Variants in ALPK3 observed in about 807,000 individuals in gnomAD.
ALPK3 encodes alpha kinase 3.
A neutral mutation model predicts 140.0 loss-of-function variants in ALPK3; 102 were observed. That is an observed-to-expected ratio of 0.73 (90% confidence interval 0.62 to 0.86). ALPK3 has a LOEUF of 0.86. Ranked by LOEUF, ALPK3 falls within the 40% of genes least tolerant of loss-of-function variation. The pLI, the probability that ALPK3 is intolerant of heterozygous loss-of-function variation, is 0.00. For synonymous variants in ALPK3, 938 were observed against 898.5 expected, an observed-to-expected ratio of 1.04 and a Z score of -0.79; for missense variants, 2,254 against 2,208.2, an observed-to-expected ratio of 1.02 and a Z score of -0.42.
At position 84,840,155 on chromosome 15, in the gene ALPK3, G is replaced by T. The variant is rs1963643413; in HGVS notation, c.876G>T (p.Leu292Phe). The T allele has an allele frequency of 1.9e-6, 3 of 1,613,950 alleles. No individual in the cohort carries two copies. Among genetic ancestry groups the T allele is most frequent in the African/African-American group, 2.7e-5 (2 of 75,020 alleles). ...PENGEDGEHGLLTYICDAMEL... is the reference protein window; with the variant it reads ...PENGEDGEHGFLTYICDAMEL... Reference sequence around the variant, plus strand: ...ATGGAGAGGACGGAGAGCATGGCTTGCTGACATACATCTGTGACGCCATGG... The same window carrying T: ...ATGGAGAGGACGGAGAGCATGGCTTTCTGACATACATCTGTGACGCCATGG... Residue 292 changes from leucine to phenylalanine, a missense_variant, in exon 5 of 14, where the codon TTG becomes TTT. By Grantham distance (22) the Leu-to-Phe change is conservative. Around this residue, in one of 3 missense-constraint regions of ALPK3, gnomAD observed 2,088 missense variants for 2,022.9 expected, o/e 1.03. Transcript: ENST00000258888.
chr15:84,818,757 T>C (rs1963390232), intron 1 of ALPK3, among the ~76,000 whole-genome samples: 2 of 152,200 alleles, frequency 1.3e-5, no homozygotes, highest in Admixed American at 1.3e-4. Context: ...GTGTCACATG[T>C]CTGGGGCAGG....
chr15:84,851,539 C>T lies in ALPK3; in HGVS notation c.1654-4853C>T, dbSNP rs576680762. Among the ~76,000 whole-genome samples, 26 of 152,356 alleles carry T rather than the reference C, an allele frequency of 1.7e-4. No homozygotes were observed. In the South Asian group the frequency reaches 5.0e-3, roughly 29 times the overall value. The stretch of plus-strand genomic sequence containing the variant: ...AAGTCTCCCCACTTCCCTATCCCCA[C>T]TGCTCAGGTCCTCTCCCTGAAGGCA... On this transcript the variant is annotated intron_variant, in intron 5 of 13. Coordinates refer to ENST00000258888, the MANE Select transcript of ALPK3 (RefSeq NM_020778.5).
At chr15:84,824,122 A>G (rs538738704) in intron 2 of ALPK3, among the ~76,000 whole-genome samples, 3 of 152,166 alleles carry the variant, frequency 2.0e-5, no homozygotes, top group Admixed American at 6.5e-5. Flanking sequence ...GCAGTCATTT[A>G]AGTTCTCCTT....
At position 84,864,319 on chromosome 15, in the gene ALPK3, C is replaced by G; in HGVS notation, c.4500-123C>G. The G allele has an allele frequency of 6.8e-6, 7 of 1,022,108 alleles. No individual in the cohort carries two copies. In the South Asian group the frequency reaches 9.6e-5, roughly 14 times the overall value. The allele number at this position is 1,022,108 out of a possible 1,614,324, so 63.3% of individuals were successfully genotyped here. ...GCTTTCCTTTGCTGTCCTTTGGGCTCGGAGCTGAGAATTACATTCTTGGAA... is the reference window on the plus strand; with the variant it reads ...GCTTTCCTTTGCTGTCCTTTGGGCTGGGAGCTGAGAATTACATTCTTGGAA... On this transcript the variant is annotated intron_variant, in intron 11 of 13. Coordinates refer to ENST00000258888, the MANE Select transcript of ALPK3 (RefSeq NM_020778.5).
At chr15:84,865,199 G>A (rs958785980) in intron 12 of ALPK3, among the ~76,000 whole-genome samples, 1 of 152,260 alleles carries the variant, frequency 6.6e-6, no homozygotes, top group East Asian at 1.9e-4. Context: ...ACAAAGGAAG[G>A]CCAGCAGGCA....
At position 84,858,228 on chromosome 15, in the gene ALPK3, C is replaced by T. The variant is rs779709566; in HGVS notation, c.3490C>T (p.Arg1164Trp). The change falls in exon 6 of 14, where the codon CGG (arginine) becomes TGG (tryptophan). Residue 1164 changes from arginine (R) to tryptophan (W), a missense_variant. Arg to Trp is a moderately radical substitution (Grantham distance 101, BLOSUM62 -3). Around this residue, in one of 3 missense-constraint regions of ALPK3, gnomAD observed 2,088 missense variants for 2,022.9 expected, o/e 1.03. Coordinates refer to ENST00000258888, the MANE Select transcript of ALPK3 (RefSeq NM_020778.5). ...ATPEELALGA[R>W]RKRFLPKVRA... ...ACCTGAGGAACTGGCTCTAGGGGCC[C>T]GGAGGAAGAGATTTCTCCCTAAGGT... 21 of 1,610,570 alleles carry T rather than the reference C, an allele frequency of 1.3e-5. No individual in the cohort carries two copies. Among genetic ancestry groups the T allele is most frequent in the Admixed American group, 5.0e-5 (3 of 59,636 alleles).
At chr15:84,851,502 A>G (rs1963802230) in intron 5 of ALPK3, among the ~76,000 whole-genome samples, 1 of 152,216 alleles carries the variant, frequency 6.6e-6, no homozygotes, top group Non-Finnish European at 1.5e-5. Context: ...CAAAAGATAC[A>G]TAGAGAATAT....
Position 84,839,967 on chromosome 15 carries a change from G to C in ALPK3, c.688G>C (p.Ala230Pro). The C allele has an allele frequency of 6.2e-7, 1 of 1,612,996 alleles. No individual in the cohort carries two copies. The highest frequency in any genetic ancestry group is 8.5e-7 in the Non-Finnish European group (1 of 1,179,482). Reference sequence around the variant, plus strand: ...CCAGCGAAAGCGGCGATTGAGCGGGGCTCAAGCGCCGGGCCCCTCGGTCCC... The same window carrying C: ...CCAGCGAAAGCGGCGATTGAGCGGGCCTCAAGCGCCGGGCCCCTCGGTCCC... ...RFQRKRRLSG[A>P]QAPGPSVPTR... Residue 230 changes from alanine to proline, a missense_variant, in exon 5 of 14, where the codon GCT (alanine) becomes CCT (proline). Around this residue, in one of 3 missense-constraint regions of ALPK3, gnomAD observed 2,088 missense variants for 2,022.9 expected, o/e 1.03. Coordinates refer to ENST00000258888, the MANE Select transcript of ALPK3 (RefSeq NM_020778.5).
intron 5 of ALPK3, chr15:84,852,748 G>A (rs1963819161): frequency 5.9e-6 from 1 of 169,614 alleles, no homozygotes; most frequent in Non-Finnish European, 1.3e-5. Flanking sequence ...TAAACTTTTT[G>A]CTCTTTGAAG....
At position 84,823,362 on chromosome 15, in the gene ALPK3, C is replaced by T. The variant is rs1596145263; in HGVS notation, c.176C>T (p.Ser59Phe). ...AGCAACCGGTTGTCTCACCCCAGCT[C>T]TGGAAGGTAAATGCATATTGCACTA... ...LSSNRLSHPS[S>F]GRSTFCSIIA... is the part of the protein sequence containing the mutation. The change falls in exon 2 of 14, where the codon TCT (serine) becomes TTT (phenylalanine). Residue 59 changes from serine (S) to phenylalanine (F), a missense_variant. Coordinates refer to ENST00000258888, the MANE Select transcript of ALPK3 (RefSeq NM_020778.5). 1.2e-6 allele frequency: 2 copies of T among 1,614,172 alleles called. No homozygotes were observed. The highest frequency in any genetic ancestry group is 2.2e-5 in the East Asian group (1 of 44,882).
intron 5 of ALPK3, among the ~76,000 whole-genome samples, chr15:84,850,875 GAT>G (rs371051171): frequency 5.1e-5 from 7 of 136,592 alleles, no homozygotes; most frequent in East Asian, 4.6e-4. Context: ...CACAGTTCCA[GAT>G]ATACACACAC....
chr15:84,869,386 C>G lies in ALPK3; in HGVS notation c.*930C>G, dbSNP rs902043981. The G allele has an allele frequency of 6.6e-6, 1 of 152,312 alleles. No homozygotes were observed. The highest frequency in any genetic ancestry group is 2.4e-5 in the African/African-American group (1 of 41,464). 9.4% of individuals were successfully genotyped at this position (152,312 alleles called of 1,614,324 possible). A position where few individuals can be genotyped will look rare whatever the true frequency, so the allele number is the denominator to read the frequency against. ...CTGTAGCCAGAGAGAGGTGTTGACT[C>G]TGAGAGACCTTGCACTCCATACTGA... On this transcript the variant is annotated 3_prime_UTR_variant, in exon 14 of 14. Transcript: ENST00000258888.
chr15:84,859,033 G>A (rs917326681), intron 6 of ALPK3, among the ~76,000 whole-genome samples: 3 of 152,136 alleles, frequency 2.0e-5, no homozygotes, highest in Non-Finnish European at 4.4e-5. Context: ...GGTGGAGTAG[G>A]GGCTTCTCTC....
At chr15:84,865,514 A>T (rs59035842) in intron 12 of ALPK3, among the ~76,000 whole-genome samples, 11,543 of 152,250 alleles carry the variant, frequency 0.076, 501 homozygotes, top group East Asian at 0.12. Flanking sequence ...CTATTTGTTA[A>T]CTTATAAACT....
intron 5 of ALPK3, among the ~76,000 whole-genome samples, chr15:84,848,550 C>T (rs76917859): frequency 0.017 from 2,613 of 151,948 alleles, 94 homozygotes; most frequent in African/African-American, 0.06. Context: ...TAGGGAAACA[C>T]AGGAAGGAAA....
Position 84,859,401 on chromosome 15 carries a change from G to A in ALPK3, c.3965+11G>A, listed in dbSNP as rs117116043. ...CGAGGTGGGCAGGAGGTAAGCCAAC[G>A]ACACCACTGCCACCTGACCTGGCTC... is the stretch of plus-strand genomic sequence containing the variant. On this transcript the variant is annotated intron_variant, in intron 7 of 13. Transcript: ENST00000258888. The A allele has an allele frequency of 2.2e-3, 3,608 of 1,613,732 alleles. 7 individuals carry two copies. Among genetic ancestry groups the A allele is most frequent in the Non-Finnish European group, 2.6e-3 (3,045 of 1,179,816 alleles).
rs1963921424 is a variant in ALPK3, at chr15:84,859,868, G to A, written c.4058G>A (p.Gly1353Asp). 1 of 1,614,056 alleles carries A rather than the reference G, an allele frequency of 6.2e-7. No homozygotes were observed. The highest frequency in any genetic ancestry group is 8.5e-7 in the Non-Finnish European group (1 of 1,180,036). ...VYRCTIHNEH[G>D]SASTDFCLSP... Reference sequence around the variant, plus strand: ...CGGTGCACCATCCACAATGAGCACGGCTCGGCCTCCACCGACTTCTGCCTC... The same window carrying A: ...CGGTGCACCATCCACAATGAGCACGACTCGGCCTCCACCGACTTCTGCCTC... The change falls in exon 8 of 14, where the codon GGC (glycine) becomes GAC (aspartate). Residue 1353 changes from glycine to aspartate, a missense_variant. Transcript: ENST00000258888.
chr15:84,830,375 A>AT (rs915986504), intron 3 of ALPK3, among the ~76,000 whole-genome samples: 20 of 151,750 alleles, frequency 1.3e-4, no homozygotes, highest in African/African-American at 4.8e-4. Flanking sequence ...TTCTTGGTTT[A>AT]TTTTTTTGCG....
chr15:84,853,989 T>C (rs1192005072), intron 5 of ALPK3, among the ~76,000 whole-genome samples: 1 of 151,982 alleles, frequency 6.6e-6, no homozygotes, highest in Non-Finnish European at 1.5e-5. Context: ...TCTCTAATTT[T>C]AAAATATAAA....
Sources: gnomAD v4.1 joint callset for allele counts (sites outside exome capture counted in the v4.1 genomes callset) on GRCh38, gnomAD v4.1.1 for gene constraint, gnomAD v4.1.1 regional missense constraint, MANE v1.5 for transcripts, NCBI Gene and HGNC (gene_info 2026-07-23, HGNC 2026-07-21) for gene names.